Variants in DNM1L observed in about 807,000 individuals in gnomAD.
DNM1L encodes dynamin 1L, also known as dynamin-1-like protein.
A neutral mutation model predicts 92.8 loss-of-function variants in DNM1L; 33 were observed. The observed-to-expected ratio is 0.36, with a 90% confidence interval of 0.27 to 0.48. The LOEUF (loss-of-function observed/expected upper bound fraction) is 0.48, where lower values mean the gene tolerates loss of function less well. Among genes scored for constraint, DNM1L ranks in the 20% least tolerant of loss-of-function variants. DNM1L has a pLI of 0.99. For missense variants in DNM1L, 485 were observed against 888.8 expected, an observed-to-expected ratio of 0.55 and a Z score of 5.78; for synonymous variants, 284 against 305.0, an observed-to-expected ratio of 0.93 and a Z score of 0.72.
intron 1 of DNM1L, among the ~76,000 whole-genome samples, chr12:32,686,937 C>CTTTTTTTTTTT (rs71447614): frequency 3.0e-4 from 29 of 95,602 alleles, no homozygotes; most frequent in African/African-American, 8.5e-4. Flanking sequence ...TCTTTTTTTT[C>CTTTTTTTTTTT]TTTTTTTTTT....
At chr12:32,689,193 T>A (rs1305781510) in intron 1 of DNM1L, among the ~76,000 whole-genome samples, 1 of 109,158 alleles carries the variant, frequency 9.2e-6, no homozygotes, top group Non-Finnish European at 2.0e-5. Context: ...GTAGTTTAGC[T>A]ATTTTATTTT....
intron 1 of DNM1L, among the ~76,000 whole-genome samples, chr12:32,693,255 TATC>T (rs1385474140): frequency 3.3e-5 from 5 of 152,366 alleles, no homozygotes; most frequent in Non-Finnish European, 4.4e-5. Flanking sequence ...GTGAGCATCT[TATC>T]ATGTTTCTTG....
chr12:32,699,508 C>T (rs979242314), intron 1 of DNM1L, among the ~76,000 whole-genome samples: 9 of 152,178 alleles, frequency 5.9e-5, no homozygotes, highest in African/African-American at 1.9e-4. Context: ...AATGAGCTGT[C>T]GGTATCCATC....
Position 32,701,400 on chromosome 12 carries a change from A to T in DNM1L, c.103-15A>T. The stretch of plus-strand genomic sequence containing the variant: ...TAAGAAACTCATTTTGCTCTTGTAT[A>T]TATTCTGTTTTCAGAGCAGCGGAAA... On this transcript the variant is annotated splice_polypyrimidine_tract_variant and intron_variant, in intron 1 of 19. Coordinates refer to ENST00000549701, the MANE Select transcript of DNM1L (RefSeq NM_012062.5). 6.2e-7 allele frequency: 1 copy of T among 1,612,720 alleles called. No individual in the cohort carries two copies. Among genetic ancestry groups the T allele is most frequent in the Non-Finnish European group, 8.5e-7 (1 of 1,178,866 alleles).
At chr12:32,703,028 T>C (rs777914630) in intron 2 of DNM1L, among the ~76,000 whole-genome samples, 1 of 150,706 alleles carries the variant, frequency 6.6e-6, no homozygotes, top group Non-Finnish European at 1.5e-5. Flanking sequence ...CTTAAGACAC[T>C]ATATGATATT....
intron 5 of DNM1L, among the ~76,000 whole-genome samples, chr12:32,712,146 T>TA (rs1480283199): frequency 6.6e-6 from 1 of 152,212 alleles, no homozygotes; most frequent in African/African-American, 2.4e-5. Flanking sequence ...TAGACAGTGA[T>TA]ACGATTAAAG....
At chr12:32,732,018 A>T in intron 12 of DNM1L, 75 bp downstream of exon 12, 1 of 1,076,454 alleles carries the variant, frequency 9.3e-7, no homozygotes, top group Non-Finnish European at 1.4e-6. Context: ...GCTTTTTAAT[A>T]AGCATTATAT....
Position 32,717,848 on chromosome 12 carries a change from T to TA in DNM1L, c.620-795_620-794insA, listed in dbSNP as rs1198541479. Reference sequence around the variant, plus strand: ...ATATATAGTATATACTATATATATTTTATAAATATACTATATATAGTATAT... The same window carrying TA: ...ATATATAGTATATACTATATATATTTATATAAATATACTATATATAGTATAT... On this transcript the variant is annotated intron_variant, in intron 6 of 19. Transcript: ENST00000549701. Among the ~76,000 whole-genome samples, 93 of 105,440 alleles carry TA rather than the reference T, an allele frequency of 8.8e-4. 2 individuals carry two copies. Among genetic ancestry groups the TA allele is most frequent in the African/African-American group, 2.4e-3 (60 of 25,116 alleles). 69.2% of individuals were successfully genotyped at this position (105,440 alleles called of 152,430 possible).
At chr12:32,718,939 G>C (rs1486559607) in intron 7 of DNM1L, among the ~76,000 whole-genome samples, 176 bp downstream of exon 7, 3 of 150,890 alleles carry the variant, frequency 2.0e-5, no homozygotes, top group African/African-American at 7.4e-5. Flanking sequence ...GCCCTAAAGG[G>C]AGAAAAGAGA....
chr12:32,729,998 A>G (rs2137512267), intron 9 of DNM1L, among the ~76,000 whole-genome samples: 1 of 152,336 alleles, frequency 6.6e-6, no homozygotes, highest in East Asian at 1.9e-4. Flanking sequence ...AATTTAAAAA[A>G]AGATAATACC....
chr12:32,713,922 CAG>C (rs1405182227), intron 6 of DNM1L, among the ~76,000 whole-genome samples: 3 of 152,164 alleles, frequency 2.0e-5, no homozygotes, highest in African/African-American at 7.2e-5. Flanking sequence ...GCTCAAGGCA[CAG>C]GGGATTTTTA....
chr12:32,681,811 C>T (rs2137195240), intron 1 of DNM1L, among the ~76,000 whole-genome samples: 1 of 151,952 alleles, frequency 6.6e-6, no homozygotes, highest in East Asian at 1.9e-4. Context: ...GCCTAGTATA[C>T]CTATCGGCAG....
At chr12:32,707,069 A>T (rs1952956365) in intron 2 of DNM1L, 1 of 289,516 alleles carries the variant, frequency 3.5e-6, no homozygotes, top group Non-Finnish European at 6.4e-6. Flanking sequence ...ATATGAAGAG[A>T]AATAAACAAT....
rs371534794 is a variant in DNM1L at position 32,722,674 on chromosome 12, G to A, written c.1079+41G>A. Reference sequence around the variant, plus strand: ...TTCTGTAGATTTGGTTACCTAGATTGCTAGGTCACTTTTCCTTTTGTGAAG... The same window carrying A: ...TTCTGTAGATTTGGTTACCTAGATTACTAGGTCACTTTTCCTTTTGTGAAG... On this transcript the variant is annotated intron_variant, in intron 9 of 19. Transcript: ENST00000549701. The A allele has an allele frequency of 1.4e-5, 20 of 1,468,902 alleles. No homozygotes were observed. The African/African-American group carries it at 1.8e-4, about 13-fold the overall frequency. The allele number at this position is 1,468,902 out of a possible 1,614,324, so 91.0% of individuals were successfully genotyped here.
chr12:32,691,752 AG>A (rs11340601), intron 1 of DNM1L, among the ~76,000 whole-genome samples: 23,347 of 152,112 alleles, frequency 0.15, 1,880 homozygotes, highest in Middle Eastern at 0.21. Flanking sequence ...GAGAGCCAAA[AG>A]CCTGATCATA....
intron 12 of DNM1L, 87 bp from the exon 13 acceptor site, chr12:32,733,628 C>A: frequency 9.1e-7 from 1 of 1,093,646 alleles, no homozygotes. Context: ...TCGGTATTGT[C>A]TGTTTCATAA....
chr12:32,718,220 CA>C (rs1290222001), intron 6 of DNM1L, among the ~76,000 whole-genome samples: 2 of 149,114 alleles, frequency 1.3e-5, no homozygotes, highest in East Asian at 3.9e-4. Flanking sequence ...CAGCTCACTG[CA>C]ACCTCTGCCT....
chr12:32,713,742 G>A (rs1042106064), intron 6 of DNM1L, among the ~76,000 whole-genome samples: 1 of 152,104 alleles, frequency 6.6e-6, no homozygotes, highest in African/African-American at 2.4e-5. Context: ...CTACTCAGAA[G>A]GCTGAGATGG....
At chr12:32,732,127 G>C (rs1345459157) in intron 12 of DNM1L, among the ~76,000 whole-genome samples, 184 bp downstream of exon 12, 1 of 152,044 alleles carries the variant, frequency 6.6e-6, no homozygotes, top group African/African-American at 2.4e-5. Context: ...TAATAATTCT[G>C]GTATAAAGTG....
Sources: gnomAD v4.1 joint callset for allele counts (sites outside exome capture counted in the v4.1 genomes callset) on GRCh38, gnomAD v4.1.1 for gene constraint, MANE v1.5 for transcripts, NCBI Gene and HGNC (gene_info 2026-07-23, HGNC 2026-07-21) for gene names.